CLEC16A: variants seen among roughly 807,000 people sequenced by gnomAD.
The protein encoded by CLEC16A is C-type lectin domain containing 16A, also known as protein CLEC16A.
Under a neutral mutation model 109.5 loss-of-function variants are expected in CLEC16A, and 51 were observed. The observed-to-expected ratio is 0.47, with a 90% confidence interval of 0.37 to 0.59. The LOEUF (loss-of-function observed/expected upper bound fraction) is 0.59. Among genes scored for constraint, CLEC16A ranks in the 20% least tolerant of loss-of-function variants. The probability of loss-of-function intolerance (pLI) is 0.00; values close to 1 mark genes in which losing one functional copy is unlikely to be tolerated. For missense variants in CLEC16A, 1,339 were observed against 1,394.0 expected (o/e 0.96, Z 0.63); for synonymous variants, 673 against 564.2 (o/e 1.19, Z -2.73).
At chr16:11,106,740 G>A (rs765523497) in intron 19 of CLEC16A, among the ~76,000 whole-genome samples, 6 of 151,912 alleles carry the variant, frequency 3.9e-5, no homozygotes, top group East Asian at 1.9e-4. Flanking sequence ...GCAGGCCTCA[G>A]TACCCTTCTC....
intron 13 of CLEC16A, among the ~76,000 whole-genome samples, chr16:11,035,031 C>T (rs2046945713): frequency 6.6e-6 from 1 of 152,168 alleles, no homozygotes; most frequent in Non-Finnish European, 1.5e-5. Context: ...CACTCAGAAC[C>T]ATCAGCCACC....
chr16:11,069,688 C>T (rs920110431), intron 19 of CLEC16A, among the ~76,000 whole-genome samples: 1 of 151,934 alleles, frequency 6.6e-6, no homozygotes, highest in Non-Finnish European at 1.5e-5. Context: ...GCGATCCTCC[C>T]GCCTCAGCTT....
At chr16:11,027,910 A>G in intron 13 of CLEC16A, 1 of 609,020 alleles carries the variant, frequency 1.6e-6, no homozygotes, top group East Asian at 2.8e-5. Flanking sequence ...CAAAGAAAAG[A>G]CAGTAGCTGG....
At chr16:11,028,727 G>A (rs1378525806) in intron 13 of CLEC16A, among the ~76,000 whole-genome samples, 1 of 152,098 alleles carries the variant, frequency 6.6e-6, no homozygotes, top group Non-Finnish European at 1.5e-5. Flanking sequence ...ACTTAATCAG[G>A]AGATAGTACA....
chr16:11,117,033 G>A (rs575651022), intron 19 of CLEC16A, among the ~76,000 whole-genome samples: 9 of 152,288 alleles, frequency 5.9e-5, no homozygotes, highest in African/African-American at 2.2e-4. Context: ...GTCCTTTGAA[G>A]CAACATGGAT....
chr16:11,120,889 G>T (rs2052360715), intron 20 of CLEC16A, 123 bp downstream of exon 20: 10 of 1,013,080 alleles, frequency 9.9e-6, no homozygotes, highest in Non-Finnish European at 1.3e-5. Context: ...ATTATACAAG[G>T]TATATGTGAA....
chr16:11,154,371 A>T (rs1213219559), intron 22 of CLEC16A, among the ~76,000 whole-genome samples: 1 of 152,250 alleles, frequency 6.6e-6, no homozygotes, highest in African/African-American at 2.4e-5. Context: ...TCTTGAATGC[A>T]GTGTAACATG....
chr16:11,115,460 C>T (rs929532381), intron 19 of CLEC16A, among the ~76,000 whole-genome samples: 1 of 152,192 alleles, frequency 6.6e-6, no homozygotes. Context: ...TAGCCTCAAC[C>T]TCCCTGGGCT....
At chr16:11,057,660 A>G (rs968293092) in intron 18 of CLEC16A, among the ~76,000 whole-genome samples, 2 of 152,210 alleles carry the variant, frequency 1.3e-5, no homozygotes, top group Non-Finnish European at 2.9e-5. Context: ...CTGATATTCT[A>G]TGGAAGAATC....
At chr16:10,994,479 C>G (rs2044215626) in intron 10 of CLEC16A, among the ~76,000 whole-genome samples, 1 of 152,162 alleles carries the variant, frequency 6.6e-6, no homozygotes, top group Non-Finnish European at 1.5e-5. Context: ...AGCCAGTGGC[C>G]AAGCCATGTG....
At position 11,123,776 on chromosome 16, in the gene CLEC16A, G is replaced by A. The variant is rs201076792; in HGVS notation, c.2303G>A (p.Arg768His). The change falls in exon 21 of 24, where the codon CGT (arginine) becomes CAT (histidine). Residue 768 changes from arginine to histidine, a missense_variant. Transcript: ENST00000409790. Reference protein sequence around the residue: ...MQVTGVEDDSRALNITIHKPA... With the variant: ...MQVTGVEDDSHALNITIHKPA... ...GTGACTGGCGTGGAGGACGACAGCC[G>A]TGCCCTGAACATCACCATCCACAAG... 1.2e-5 allele frequency: 19 copies of A among 1,613,886 alleles called. No homozygotes were observed. The highest frequency in any genetic ancestry group is 5.5e-5 in the South Asian group (5 of 91,094).
At chr16:11,160,198 C>T (rs1033647809) in intron 22 of CLEC16A, among the ~76,000 whole-genome samples, 1 of 152,130 alleles carries the variant, frequency 6.6e-6, no homozygotes, top group Non-Finnish European at 1.5e-5. Flanking sequence ...AAAGCGGCAC[C>T]AACTCCAGGC....
intron 22 of CLEC16A, among the ~76,000 whole-genome samples, chr16:11,143,619 G>A (rs944100780): frequency 6.6e-6 from 1 of 152,238 alleles, no homozygotes; most frequent in Non-Finnish European, 1.5e-5. Flanking sequence ...TCGTGGGAGT[G>A]TTCCTCAGAG....
At chr16:11,089,044 G>A (rs924963122) in intron 19 of CLEC16A, among the ~76,000 whole-genome samples, 2 of 152,144 alleles carry the variant, frequency 1.3e-5, no homozygotes, top group African/African-American at 4.8e-5. Flanking sequence ...CCTCCGTTCA[G>A]GGGAGGGGGA....
chr16:11,024,590 A>T (rs1312972166), intron 12 of CLEC16A: 6 of 450,064 alleles, frequency 1.3e-5, no homozygotes, highest in Non-Finnish European at 2.5e-5. Context: ...TTGTTGTGTG[A>T]CTAAGCAAGC....
chr16:11,148,268 G>A (rs1311605164), intron 22 of CLEC16A, among the ~76,000 whole-genome samples: 1 of 152,090 alleles, frequency 6.6e-6, no homozygotes, highest in Admixed American at 6.6e-5. Flanking sequence ...CGGCAACCAC[G>A]TCCAACTCAT....
At position 11,039,763 on chromosome 16, in the gene CLEC16A, CT is replaced by C; in HGVS notation, c.1548del (p.Glu517LysfsTer3). The part of the protein sequence containing the change: ...YAMSHNKGMD[P>X]EKLERIQLPV... ...TTCTCCTCTGTTCCAGGCATGGATC[CT>C]GAAAAATTAGAGCGAATCCAGCTCC... On this transcript the variant is annotated frameshift_variant, in exon 14 of 24. Transcript: ENST00000409790. LOFTEE classifies it high-confidence loss of function. 6.2e-7 allele frequency: 1 copy of C among 1,600,476 alleles called. No homozygotes were observed. The highest frequency in any genetic ancestry group is 8.5e-7 in the Non-Finnish European group (1 of 1,173,604).
chr16:11,026,625 T>G (rs1236058765), intron 13 of CLEC16A, among the ~76,000 whole-genome samples: 2 of 149,658 alleles, frequency 1.3e-5, no homozygotes, highest in African/African-American at 5.0e-5. Flanking sequence ...TGTTGATTTC[T>G]GTTCTTATGT....
At chr16:10,958,844 C>T (rs1454577015) in intron 2 of CLEC16A, among the ~76,000 whole-genome samples, 2 of 151,914 alleles carry the variant, frequency 1.3e-5, no homozygotes, top group African/African-American at 4.8e-5. Context: ...GTCCAGGCTG[C>T]AATGAGCCAT....
Sources: allele counts gnomAD v4.1 joint callset (sites outside exome capture counted in the v4.1 genomes callset), GRCh38; gene constraint gnomAD v4.1.1; transcripts MANE v1.5; gene names NCBI Gene and HGNC (gene_info 2026-07-23, HGNC 2026-07-21).